The following WNK1 variants were observed in gnomAD, a reference collection of about 807,000 sequenced individuals.
WNK1 encodes serine/threonine-protein kinase WNK1.
In WNK1, 38 loss-of-function variants were observed where a neutral mutation model predicts 222.8. The ratio of observed to expected loss-of-function variants is 0.17; its 90% CI spans 0.13 to 0.22. WNK1 has a LOEUF of 0.22. Ranked by LOEUF, WNK1 falls within the 10% of genes least tolerant of loss-of-function variation. The pLI, the probability that WNK1 is intolerant of heterozygous loss-of-function variation, is 1.00. For missense variants in WNK1, 2,348 were observed against 2,918.4 expected, an observed-to-expected ratio of 0.80 and a Z score of 4.50; for synonymous variants, 1,090 against 1,092.9, an observed-to-expected ratio of 1.00 and a Z score of 0.05.
At chr12:797,777 T>G (rs558618895) in intron 1 of WNK1, among the ~76,000 whole-genome samples, 1 of 151,858 alleles carries the variant, frequency 6.6e-6, no homozygotes, top group South Asian at 2.1e-4. Flanking sequence ...GAAACCCCCA[T>G]CTTTACTGAA....
intron 4 of WNK1, among the ~76,000 whole-genome samples, chr12:846,811 T>C (rs72648639): frequency 0.068 from 10,347 of 152,242 alleles, 416 homozygotes; most frequent in African/African-American, 0.086. Context: ...ACCCTACCTT[T>C]TTACTGAAAC....
chr12:835,404 G>C (rs1207208770), intron 4 of WNK1, among the ~76,000 whole-genome samples: 2 of 152,150 alleles, frequency 1.3e-5, no homozygotes, highest in African/African-American at 4.8e-5. Flanking sequence ...TCTATATTCT[G>C]AATTCTGTGT....
At chr12:857,370 T>C in intron 5 of WNK1, 121 bp downstream of exon 5, 1 of 938,628 alleles carries the variant, frequency 1.1e-6, no homozygotes, top group Non-Finnish European at 1.7e-6. Context: ...TATTTGTGCC[T>C]GTAACATTTT....
chr12:762,699 G>A (rs1941188470), intron 1 of WNK1, among the ~76,000 whole-genome samples: 1 of 147,344 alleles, frequency 6.8e-6, no homozygotes, highest in Non-Finnish European at 1.5e-5. Flanking sequence ...AGAGATTCCA[G>A]TAGTCCCCAC....
In WNK1 at chr12:867,894, G is replaced by C. The variant is rs1241803361; in HGVS notation, c.2140-3371G>C. Reference sequence around the variant, plus strand: ...CAGTCCATGGCGCATCCGTGTGGGGGGACCCCAACATACCCAGAATCACAG... The same window carrying C: ...CAGTCCATGGCGCATCCGTGTGGGGCGACCCCAACATACCCAGAATCACAG... On this transcript the variant is annotated intron_variant, in intron 8 of 27. Transcript: ENST00000315939. The C allele has an allele frequency of 3.7e-6, 6 of 1,613,938 alleles. No homozygotes were observed. The highest frequency in any genetic ancestry group is 5.1e-6 in the Non-Finnish European group (6 of 1,179,858).
intron 1 of WNK1, among the ~76,000 whole-genome samples, chr12:774,854 T>A (rs745458885): frequency 6.6e-6 from 1 of 152,192 alleles, no homozygotes; most frequent in African/African-American, 2.4e-5. Context: ...ATTTTTGCCT[T>A]CAGGTGCTTT....
At chr12:807,156 A>G (rs901389953) in intron 1 of WNK1, among the ~76,000 whole-genome samples, 2 of 152,028 alleles carry the variant, frequency 1.3e-5, no homozygotes, top group African/African-American at 4.8e-5. Flanking sequence ...AAGGTAGTAC[A>G]CAGTATTTAA....
rs532643379 is a variant in WNK1 at position 823,043 on chromosome 12, G to C, written c.933-3999G>C. ...TTTGCTGATATATAATTCGTGGTTG[G>C]CAGTCTTCAGGTTTTTTTTGGGGTT... is the stretch of plus-strand genomic sequence containing the variant. On this transcript the variant is annotated intron_variant, in intron 2 of 27. Transcript: ENST00000315939. Among the ~76,000 whole-genome samples the C allele has an allele frequency of 5.3e-5, 8 of 152,136 alleles. No homozygotes were observed. The East Asian group carries it at 1.5e-3, about 29-fold the overall frequency.
At chr12:817,728 C>T (rs1947479503) in intron 2 of WNK1, among the ~76,000 whole-genome samples, 1 of 152,086 alleles carries the variant, frequency 6.6e-6, no homozygotes, top group Non-Finnish European at 1.5e-5. Context: ...CACCTGAGGT[C>T]AGGATCACCT....
Position 880,648 on chromosome 12 carries a change from T to C in WNK1, c.2833-73T>C, listed in dbSNP as rs566787812. ...GCTGTGTGCTTCTTTTTTTTTTTTT[T>C]GCATGTCTTGCTGTTTTGCTAATTT... On this transcript the variant is annotated intron_variant, in intron 11 of 27. Coordinates refer to ENST00000315939, the MANE Select transcript of WNK1 (RefSeq NM_018979.4). 151 of 1,385,094 alleles carry C rather than the reference T, an allele frequency of 1.1e-4. 2 individuals carry two copies. In the South Asian group the frequency reaches 1.7e-3, roughly 16 times the overall value. The allele number at this position is 1,385,094 out of a possible 1,614,324, so 85.8% of individuals were successfully genotyped here.
chr12:800,219 A>G (rs968825253), intron 1 of WNK1, among the ~76,000 whole-genome samples: 2 of 152,210 alleles, frequency 1.3e-5, no homozygotes, highest in Non-Finnish European at 2.9e-5. Context: ...AAGTTAAAAG[A>G]AGTCATATCA....
Position 890,528 on chromosome 12 carries a change from T to C in WNK1, c.5509+15T>C. The C allele has an allele frequency of 6.2e-7, 1 of 1,613,998 alleles. No homozygotes were observed. Among genetic ancestry groups the C allele is most frequent in the Non-Finnish European group, 8.5e-7 (1 of 1,179,896 alleles). On this transcript the variant is annotated intron_variant, in intron 22 of 27. Transcript: ENST00000315939. ...TCAGAAGGGTGGTGAGAAACATCCT[T>C]CCTCCTTTTATATTACTAATTCCAG...
intron 22 of WNK1, among the ~76,000 whole-genome samples, chr12:891,384 C>T (rs866063049): frequency 4.6e-5 from 7 of 152,104 alleles, no homozygotes; most frequent in East Asian, 1.9e-4. Context: ...GTGATCTGCC[C>T]GCCTCGGCCT....
In WNK1 at chr12:803,593, G is replaced by A. The variant is rs1190638810; in HGVS notation, c.760-10049G>A. Among the ~76,000 whole-genome samples the A allele has an allele frequency of 4.6e-5, 7 of 152,200 alleles. No homozygotes were observed. In the East Asian group the frequency reaches 1.4e-3, roughly 29 times the overall value. The stretch of plus-strand genomic sequence containing the variant: ...AGGTCAGGAGTTCGAGACTAGCCTG[G>A]CCAACATAGTGAAACCCTGTCTACT... On this transcript the variant is annotated intron_variant, in intron 1 of 27. Transcript: ENST00000315939.
At position 753,288 on chromosome 12, in the gene WNK1, C is replaced by A; in HGVS notation, c.-278C>A. 2 of 496,496 alleles carry A rather than the reference C, an allele frequency of 4.0e-6. No homozygotes were observed. Among genetic ancestry groups the A allele is most frequent in the Non-Finnish European group, 7.2e-6 (2 of 279,160 alleles). 30.8% of individuals were successfully genotyped at this position (496,496 alleles called of 1,614,324 possible). A position where few individuals can be genotyped will look rare whatever the true frequency, so the allele number is the denominator to read the frequency against. The stretch of plus-strand genomic sequence containing the variant: ...CGCTCGCCGCAGGATGGATGCGGAC[C>A]GTGCGGCGCTAACCCCCGTGGCTCA... On this transcript the variant is annotated 5_prime_UTR_variant, in exon 1 of 28. Coordinates refer to ENST00000315939, the MANE Select transcript of WNK1 (RefSeq NM_018979.4). The surrounding 1 kb of genome is among the most constrained non-coding windows in gnomAD (Gnocchi z 5.2).
At chr12:831,366 C>T (rs1948777879) in intron 4 of WNK1, among the ~76,000 whole-genome samples, 1 of 151,804 alleles carries the variant, frequency 6.6e-6, no homozygotes, top group Non-Finnish European at 1.5e-5. Flanking sequence ...GGTGAAACCC[C>T]ATCTCTACTA....
Position 908,768 on chromosome 12 carries a change from A to C in WNK1, c.7125A>C (p.Pro2375=). 1 of 1,445,504 alleles carries C rather than the reference A, an allele frequency of 6.9e-7. No homozygotes were observed. Among genetic ancestry groups the C allele is most frequent in the South Asian group, 1.1e-5 (1 of 89,152 alleles). 89.5% of individuals were successfully genotyped at this position (1,445,504 alleles called of 1,614,324 possible). ...SNLQKSISNP[P]GSNLRTT ...TGCAGAAATCCATCAGCAACCCCCC[A>C]GGCTCCAACCTGCGGACCACTTAGA... is the stretch of plus-strand genomic sequence containing the variant. The change falls in exon 28 of 28, where the codon CCA becomes CCC. Residue 2375 remains proline (P), a synonymous_variant. Transcript: ENST00000315939.
intron 9 of WNK1, among the ~76,000 whole-genome samples, chr12:871,712 C>T (rs1952168637): frequency 6.6e-6 from 1 of 152,076 alleles, no homozygotes. Flanking sequence ...AAGCAGTCCT[C>T]CTGCCTCAGC....
chr12:886,125 GT>G (rs11450919), intron 19 of WNK1, 41 bp downstream of exon 19: 3 of 1,458,678 alleles, frequency 2.1e-6, no homozygotes, highest in South Asian at 2.6e-5. Flanking sequence ...AATATGATCA[GT>G]TTTTTTTCTC....
Sources: allele counts gnomAD v4.1 joint callset (sites outside exome capture counted in the v4.1 genomes callset), GRCh38; gene constraint gnomAD v4.1.1; non-coding constraint Gnocchi (gnomAD v3.1); transcripts MANE v1.5; gene names NCBI Gene and HGNC (gene_info 2026-07-23, HGNC 2026-07-21).